The following BAZ2B variants were observed in gnomAD, a reference collection of about 807,000 sequenced individuals.
The protein encoded by BAZ2B is bromodomain adjacent to zinc finger domain 2B, also known as bromodomain adjacent to zinc finger domain protein 2B.
In BAZ2B, 91 loss-of-function variants were observed where a neutral mutation model predicts 246.0. The observed-to-expected ratio is 0.37, with a 90% CI of 0.31 to 0.44. The LOEUF is 0.44. BAZ2B is among the 20% of genes least tolerant of loss of function. The pLI is 1.00. For synonymous variants in BAZ2B, 855 were observed against 860.0 expected (o/e 0.99, Z 0.10); for missense variants, 2,332 against 2,533.7 (o/e 0.92, Z 1.71).
the BAZ2B span, among the ~76,000 whole-genome samples, chr2:159,686,839 G>T: frequency 9.2e-5 from 14 of 152,072 alleles, no homozygotes; most frequent in Middle Eastern, 3.4e-3. Context: ...TCAGGAGATC[G>T]AGACCACCCT....
At chr2:159,420,845 T>A (rs1228272640) in intron 13 of BAZ2B, among the ~76,000 whole-genome samples, 1 of 152,214 alleles carries the variant, frequency 6.6e-6, no homozygotes, top group Non-Finnish European at 1.5e-5. Context: ...AATTTTTTTA[T>A]AATGTGATGA....
chr2:159,539,010 G>A (rs1449528036), intron 2 of BAZ2B, among the ~76,000 whole-genome samples: 1 of 152,158 alleles, frequency 6.6e-6, no homozygotes. Flanking sequence ...TGCAGCATCA[G>A]CATCACTGTT....
intron 1 of BAZ2B, among the ~76,000 whole-genome samples, chr2:159,605,862 T>C (rs1376746500): frequency 5.9e-5 from 9 of 152,254 alleles, no homozygotes; most frequent in Non-Finnish European, 1.2e-4. Context: ...TTTAAAACAA[T>C]TCTTCTCTTT....
At chr2:159,496,113 C>A (rs1340392579) in intron 2 of BAZ2B, among the ~76,000 whole-genome samples, 5 of 148,948 alleles carry the variant, frequency 3.4e-5, no homozygotes, top group African/African-American at 1.2e-4. Flanking sequence ...CGGTGGCTCA[C>A]GCCTGTAATC....
chr2:159,406,088 C>T (rs2065888837), intron 14 of BAZ2B, among the ~76,000 whole-genome samples: 1 of 152,188 alleles, frequency 6.6e-6, no homozygotes. Context: ...TTATCCATGA[C>T]ATTTGTAATG....
intron 2 of BAZ2B, among the ~76,000 whole-genome samples, chr2:159,553,670 C>T (rs1054866821): frequency 2.0e-5 from 3 of 151,756 alleles, no homozygotes; most frequent in African/African-American, 7.3e-5. Context: ...TGGATTGTGA[C>T]ATCAAAGAAA....
intron 3 of BAZ2B, chr2:159,462,653 T>A: frequency 9.7e-7 from 1 of 1,027,834 alleles, no homozygotes; most frequent in East Asian, 2.4e-5. Flanking sequence ...AACACTGCCA[T>A]CTTCGTAATA....
At chr2:159,386,995 C>T (rs942494149) in intron 21 of BAZ2B, among the ~76,000 whole-genome samples, 3 of 152,008 alleles carry the variant, frequency 2.0e-5, no homozygotes, top group Non-Finnish European at 2.9e-5. Flanking sequence ...AGTACTTTAC[C>T]ATGGACATAC....
intron 1 of BAZ2B, among the ~76,000 whole-genome samples, chr2:159,574,618 T>G (rs1361978224): frequency 2.0e-5 from 3 of 152,126 alleles, no homozygotes; most frequent in Non-Finnish European, 4.4e-5. Context: ...TCATAATTAT[T>G]CAAGTGTTCA....
At chr2:159,499,690 T>C (rs1360824266) in intron 2 of BAZ2B, among the ~76,000 whole-genome samples, 2 of 152,160 alleles carry the variant, frequency 1.3e-5, no homozygotes, top group Non-Finnish European at 2.9e-5. Flanking sequence ...ATCTGTTGTT[T>C]TTGACTTTTT....
chr2:159,397,189 CA>C, intron 19 of BAZ2B, 155 bp downstream of exon 19: 1 of 1,303,098 alleles, frequency 7.7e-7, no homozygotes, highest in Non-Finnish European at 1.1e-6. Context: ...ACACCAATAC[CA>C]AAGCAAGGCA....
intron 2 of BAZ2B, among the ~76,000 whole-genome samples, chr2:159,510,073 C>T (rs1304460506): frequency 6.6e-6 from 1 of 152,012 alleles, no homozygotes; most frequent in East Asian, 1.9e-4. Context: ...TTGTATGATT[C>T]CACTTATGAA....
Position 159,412,517 on chromosome 2 carries a change from T to C in BAZ2B, c.2495A>G (p.Glu832Gly), listed in dbSNP as rs1410906505. ...QGMQWCLLKEEDVIPRIRAME... is the reference protein window; with the variant it reads ...QGMQWCLLKEGDVIPRIRAME... ...TGCCCTGATACGAGGAATGACATCC[T>C]CTTCTTTCAAAAGACACCACTGCAT... The change falls in exon 14 of 37, where the codon GAG becomes GGG. Residue 832 changes from glutamate to glycine, a missense_variant. By Grantham distance (98) the Glu-to-Gly change is moderately conservative (BLOSUM62 -2). Around this residue, in one of 9 missense-constraint regions of BAZ2B, gnomAD observed 651 missense variants for 650.9 expected, o/e 1.00. Coordinates refer to ENST00000392783, the MANE Select transcript of BAZ2B (RefSeq NM_013450.4). 1 of 1,614,052 alleles carries C rather than the reference T, an allele frequency of 6.2e-7. No homozygotes were observed. Among genetic ancestry groups the C allele is most frequent in the South Asian group, 1.1e-5 (1 of 91,074 alleles).
At chr2:159,637,849 AC>A in the BAZ2B span, among the ~76,000 whole-genome samples, 1 of 152,200 alleles carries the variant, frequency 6.6e-6, no homozygotes, top group Non-Finnish European at 1.5e-5. Context: ...TGTGTGAGCC[AC>A]CACACCTGGC....
At chr2:159,680,821 C>T in the BAZ2B span, among the ~76,000 whole-genome samples, 1 of 152,174 alleles carries the variant, frequency 6.6e-6, no homozygotes, top group Non-Finnish European at 1.5e-5. Flanking sequence ...CAACCTATTG[C>T]CCGGGATCCA....
chr2:159,467,289 A>T (rs778672218), intron 3 of BAZ2B, among the ~76,000 whole-genome samples: 1 of 152,224 alleles, frequency 6.6e-6, no homozygotes, highest in Admixed American at 6.5e-5. Flanking sequence ...TGAAAAAGTT[A>T]ATCTAATGAC....
chr2:159,471,039 A>T (rs934027854), intron 3 of BAZ2B, among the ~76,000 whole-genome samples: 7 of 152,078 alleles, frequency 4.6e-5, no homozygotes, highest in African/African-American at 1.7e-4. Context: ...AAAAAAACTT[A>T]AGAAGGAGTT....
intron 30 of BAZ2B, among the ~76,000 whole-genome samples, chr2:159,347,863 G>GT (rs1404040962): frequency 2.0e-5 from 3 of 152,052 alleles, no homozygotes; most frequent in African/African-American, 7.2e-5. Context: ...TTACAAGACA[G>GT]TAACACCAAC....
chr2:159,404,168 T>A (rs965504401), intron 16 of BAZ2B, among the ~76,000 whole-genome samples: 10 of 152,184 alleles, frequency 6.6e-5, no homozygotes, highest in Admixed American at 3.9e-4. Flanking sequence ...TCTGCTTTAA[T>A]GTTACCATGA....
Sources: gnomAD v4.1 joint callset for allele counts (sites outside exome capture counted in the v4.1 genomes callset) on GRCh38, gnomAD v4.1.1 for gene constraint, gnomAD v4.1.1 regional missense constraint, MANE v1.5 for transcripts, NCBI Gene and HGNC (gene_info 2026-07-23, HGNC 2026-07-21) for gene names.